ZNF580: variants seen among roughly 807,000 people sequenced by gnomAD.
The protein encoded by ZNF580 is zinc finger protein 580.
Under a neutral mutation model 1.3 loss-of-function variants are expected in ZNF580, and 1 was observed. The ratio of observed to expected loss-of-function variants is 0.77; its 90% confidence interval spans 0.27 to 3.65. ZNF580 has a LOEUF of 3.65. Ranked by LOEUF, ZNF580 falls within the 30% of genes most tolerant of loss-of-function variation. ZNF580 has a pLI of 0.19. For missense variants in ZNF580, 268 were observed against 272.3 expected, an observed-to-expected ratio of 0.98 and a Z score of 0.11; for synonymous variants, 135 against 128.8, an observed-to-expected ratio of 1.05 and a Z score of -0.32.
At position 55,643,214 on chromosome 19, in the gene ZNF580, T is replaced by C. The variant is rs963131980; in HGVS notation, c.*187T>C. Reference sequence around the variant, plus strand: ...CCTTACCCCCTTTCTAGCTGTGTGATGTAGACCAAAGTCGTTGCCCCTCCC... The same window carrying C: ...CCTTACCCCCTTTCTAGCTGTGTGACGTAGACCAAAGTCGTTGCCCCTCCC... On this transcript the variant is annotated 3_prime_UTR_variant, in exon 2 of 2. Coordinates refer to ENST00000325333, the MANE Select transcript of ZNF580 (RefSeq NM_207115.2). 3.9e-5 allele frequency: 42 copies of C among 1,073,516 alleles called. No individual in the cohort carries two copies. The highest frequency in any genetic ancestry group is 4.8e-5 in the Non-Finnish European group (40 of 825,230). 66.5% of individuals were successfully genotyped at this position (1,073,516 alleles called of 1,614,324 possible). A position where few individuals can be genotyped will look rare whatever the true frequency, so the allele number is the denominator to read the frequency against.
chr19:55,641,187 C>G lies in ZNF580; in HGVS notation c.-13+4C>G, dbSNP rs1428628963. ...ACCCGAGAGGCCGCCGCACGGGGTA[C>G]GGGGGCCGGGATGGAGGGAGGAGCC... is the stretch of plus-strand genomic sequence containing the variant. On this transcript the variant is annotated splice_donor_region_variant and intron_variant, in intron 1 of 1. Transcript: ENST00000325333. 1 of 984,708 alleles carries G rather than the reference C, an allele frequency of 1.0e-6. No individual in the cohort carries two copies. Among genetic ancestry groups the G allele is most frequent in the Non-Finnish European group, 1.2e-6 (1 of 829,746 alleles). The allele number at this position is 984,708 out of a possible 1,614,324, so 61.0% of individuals were successfully genotyped here.
chr19:55,641,070 C>T lies in ZNF580; in HGVS notation c.-126C>T, dbSNP rs1982432222. 1 of 985,148 alleles carries T rather than the reference C, an allele frequency of 1.0e-6. No homozygotes were observed. Among genetic ancestry groups the T allele is most frequent in the African/African-American group, 1.7e-5 (1 of 57,224 alleles). 61.0% of individuals were successfully genotyped at this position (985,148 alleles called of 1,614,324 possible). ...CCCAGTCCCCGCGTCCCCGGCGCCG[C>T]CGGCCCGGAGCTGCCCGGAAGTCTC... is the stretch of plus-strand genomic sequence containing the variant. On this transcript the variant is annotated 5_prime_UTR_variant, in exon 1 of 2. Transcript: ENST00000325333.
At chr19:55,642,360 G>A in intron 1 of ZNF580, 137 bp from the exon 2 acceptor site, 1 of 1,279,608 alleles carries the variant, frequency 7.8e-7, no homozygotes, top group Non-Finnish European at 9.9e-7. Context: ...TGGAGTCACA[G>A]TTTTTATTTT....
intron 1 of ZNF580, 25 bp from the exon 2 acceptor site, chr19:55,642,472 C>G: frequency 7.1e-7 from 1 of 1,403,714 alleles, no homozygotes; most frequent in Non-Finnish European, 9.3e-7. Context: ...GCAATTTTAA[C>G]TAATCTCCCC....
chr19:55,641,072 G>A lies in ZNF580; in HGVS notation c.-124G>A, dbSNP rs1269964763. 5 of 985,128 alleles carry A rather than the reference G, an allele frequency of 5.1e-6. No homozygotes were observed. The highest frequency in any genetic ancestry group is 4.8e-6 in the Non-Finnish European group (4 of 829,834). The allele number at this position is 985,128 out of a possible 1,614,324, so 61.0% of individuals were successfully genotyped here. ...CAGTCCCCGCGTCCCCGGCGCCGCC[G>A]GCCCGGAGCTGCCCGGAAGTCTCGG... is the stretch of plus-strand genomic sequence containing the variant. On this transcript the variant is annotated 5_prime_UTR_variant, in exon 1 of 2. Transcript: ENST00000325333.
At position 55,643,178 on chromosome 19, in the gene ZNF580, C is replaced by T. The variant is rs1982639903; in HGVS notation, c.*151C>T. ...TTTCCCCACCTTCCAAAGGGAGGAG[C>T]ATCATTCCTTCCTTACCCCCTTTCT... On this transcript the variant is annotated 3_prime_UTR_variant, in exon 2 of 2. Coordinates refer to ENST00000325333, the MANE Select transcript of ZNF580 (RefSeq NM_207115.2). 8 of 1,211,974 alleles carry T rather than the reference C, an allele frequency of 6.6e-6. No individual in the cohort carries two copies. The highest frequency in any genetic ancestry group is 8.4e-6 in the Non-Finnish European group (8 of 947,038). 75.1% of individuals were successfully genotyped at this position (1,211,974 alleles called of 1,614,324 possible). A position where few individuals can be genotyped will look rare whatever the true frequency, so the allele number is the denominator to read the frequency against.
chr19:55,642,111 T>G (rs935863665), intron 1 of ZNF580: 1 of 1,003,832 alleles, frequency 1.0e-6, no homozygotes, highest in African/African-American at 1.7e-5. Flanking sequence ...TAGAGAAATC[T>G]CGGCGGTCAG....
Position 55,642,716 on chromosome 19 carries a change from G to C in ZNF580, c.208G>C (p.Glu70Gln), listed in dbSNP as rs1235876047. 2.7e-6 allele frequency: 4 copies of C among 1,507,004 alleles called. 1 individual carries two copies. In the Admixed American group the frequency reaches 8.7e-5, roughly 33 times the overall value. 93.4% of individuals were successfully genotyped at this position (1,507,004 alleles called of 1,614,324 possible). Residue 70 changes from glutamate to glutamine, a missense_variant, in exon 2 of 2, where the codon GAG (glutamate) becomes CAG (glutamine). By Grantham distance (29) the Glu-to-Gln change is conservative. Around this residue, in one of 2 missense-constraint regions of ZNF580, gnomAD observed 225 missense variants for 201.7 expected, o/e 1.12. Coordinates refer to ENST00000325333, the MANE Select transcript of ZNF580 (RefSeq NM_207115.2). ...GVPYTYTVQLEEEPRGPPQRE... is the reference protein window; with the variant it reads ...GVPYTYTVQLQEEPRGPPQRE... ...CCCCTACACATACACGGTGCAGCTG[G>C]AGGAGGAGCCCCGGGGCCCGCCCCA... is the stretch of plus-strand genomic sequence containing the variant.
chr19:55,642,965 C>T lies in ZNF580; in HGVS notation c.457C>T (p.Pro153Ser). ...RARAGPPHTC[P>S]LCPRRFQDAA... Reference sequence around the variant, plus strand: ...CCGCGCCGGGCCGCCGCACACCTGCCCGCTCTGCCCACGCCGCTTCCAGGA... The same window carrying T: ...CCGCGCCGGGCCGCCGCACACCTGCTCGCTCTGCCCACGCCGCTTCCAGGA... The change falls in exon 2 of 2, where the codon CCG becomes TCG. Residue 153 changes from proline to serine, a missense_variant. This residue lies in a region of ZNF580 where 43 missense variants were observed against 70.5 expected (regional missense o/e 0.61). Transcript: ENST00000325333. 6 of 1,403,726 alleles carry T rather than the reference C, an allele frequency of 4.3e-6. No homozygotes were observed. The highest frequency in any genetic ancestry group is 5.5e-6 in the Non-Finnish European group (6 of 1,082,722). The allele number at this position is 1,403,726 out of a possible 1,614,324, so 87.0% of individuals were successfully genotyped here.
Position 55,643,002 on chromosome 19 carries a change from T to C in ZNF580, c.494T>C (p.Leu165Pro). 1 of 1,366,728 alleles carries C rather than the reference T, an allele frequency of 7.3e-7. No homozygotes were observed. Among genetic ancestry groups the C allele is most frequent in the Non-Finnish European group, 9.4e-7 (1 of 1,059,530 alleles). 84.7% of individuals were successfully genotyped at this position (1,366,728 alleles called of 1,614,324 possible). Residue 165 changes from leucine to proline, a missense_variant, in exon 2 of 2, where the codon CTG (leucine) becomes CCG (proline). Leu to Pro is a moderately conservative substitution (Grantham distance 98). This residue lies in a region of ZNF580 where 43 missense variants were observed against 70.5 expected (regional missense o/e 0.61). Coordinates refer to ENST00000325333, the MANE Select transcript of ZNF580 (RefSeq NM_207115.2). ...CPRRFQDAAE[L>P]AQHVRLH Reference sequence around the variant, plus strand: ...CGCCGCTTCCAGGACGCCGCGGAGCTGGCGCAGCACGTGCGCCTCCACTAA... The same window carrying C: ...CGCCGCTTCCAGGACGCCGCGGAGCCGGCGCAGCACGTGCGCCTCCACTAA...
Position 55,642,878 on chromosome 19 carries a change from G to T in ZNF580, c.370G>T (p.Ala124Ser), listed in dbSNP as rs1982612302. The change falls in exon 2 of 2, where the codon GCC becomes TCC. Residue 124 changes from alanine (A) to serine (S), a missense_variant. By Grantham distance (99) the Ala-to-Ser change is moderately conservative. Coordinates refer to ENST00000325333, the MANE Select transcript of ZNF580 (RefSeq NM_207115.2). ...GGACCTCAAGCCCTTCACGTGCGGC[G>T]CCTGCGGCAAGGCCTTCAAGCGCTC... Reference protein sequence around the residue: ...HSDLKPFTCGACGKAFKRSSH... With the variant: ...HSDLKPFTCGSCGKAFKRSSH... 2 of 1,564,456 alleles carry T rather than the reference G, an allele frequency of 1.3e-6. No homozygotes were observed. Among genetic ancestry groups the T allele is most frequent in the East Asian group, 2.4e-5 (1 of 41,486 alleles).
chr19:55,642,126 C>T (rs999677905), intron 1 of ZNF580: 2 of 1,012,622 alleles, frequency 2.0e-6, no homozygotes, highest in African/African-American at 3.4e-5. Context: ...GGTCAGGAGG[C>T]CCGGGGTCTA....
In ZNF580 at chr19:55,641,046, C is replaced by G; in HGVS notation, c.-150C>G. 1.0e-6 allele frequency: 1 copy of G among 985,154 alleles called. No individual in the cohort carries two copies. Among genetic ancestry groups the G allele is most frequent in the Non-Finnish European group, 1.2e-6 (1 of 829,750 alleles). 61.0% of individuals were successfully genotyped at this position (985,154 alleles called of 1,614,324 possible). Reference sequence around the variant, plus strand: ...GCCAACCCCTCGCACCCCCGCGCCCCCAGTCCCCGCGTCCCCGGCGCCGCC... The same window carrying G: ...GCCAACCCCTCGCACCCCCGCGCCCGCAGTCCCCGCGTCCCCGGCGCCGCC... On this transcript the variant is annotated 5_prime_UTR_variant, in exon 1 of 2. Transcript: ENST00000325333.
rs1249229889 is a variant in ZNF580 at position 55,642,561 on chromosome 19, C to T, written c.53C>T (p.Ala18Val). Reference sequence around the variant, plus strand: ...CACCCTCGGTCCTCCTCTCCGGAGGCCATGGACCCACCGCCCCCCAAGGCT... The same window carrying T: ...CACCCTCGGTCCTCCTCTCCGGAGGTCATGGACCCACCGCCCCCCAAGGCT... ...PPHPRSSSPE[A>V]MDPPPPKAPP... The change falls in exon 2 of 2, where the codon GCC becomes GTC. Residue 18 changes from alanine (A) to valine (V), a missense_variant. Transcript: ENST00000325333. 1 of 1,458,840 alleles carries T rather than the reference C, an allele frequency of 6.9e-7. No homozygotes were observed. The allele number at this position is 1,458,840 out of a possible 1,614,324, so 90.4% of individuals were successfully genotyped here. A position where few individuals can be genotyped will look rare whatever the true frequency, so the allele number is the denominator to read the frequency against.
At position 55,642,608 on chromosome 19, in the gene ZNF580, G is replaced by C; in HGVS notation, c.100G>C (p.Gly34Arg). 3.5e-6 allele frequency: 5 copies of C among 1,447,916 alleles called. No homozygotes were observed. The highest frequency in any genetic ancestry group is 2.7e-5 in the Admixed American group (1 of 36,968). The allele number at this position is 1,447,916 out of a possible 1,614,324, so 89.7% of individuals were successfully genotyped here. Residue 34 changes from glycine (G) to arginine (R), a missense_variant, in exon 2 of 2, where the codon GGC (glycine) becomes CGC (arginine). By Grantham distance (125) the Gly-to-Arg change is moderately radical. Transcript: ENST00000325333. ...GGCTCCCCCTTTCCCCAAGGCGGAA[G>C]GCCCCTCCTCCACTCCTTCCTCGGC... ...PKAPPFPKAEGPSSTPSSAAG... is the reference protein window; with the variant it reads ...PKAPPFPKAERPSSTPSSAAG...
rs113802376 is a variant in ZNF580, at chr19:55,642,167, T to G, written c.-12-330T>G. The G allele has an allele frequency of 4.6e-5, 50 of 1,079,490 alleles. 1 individual carries two copies. In the African/African-American group the frequency reaches 6.6e-4, roughly 14 times the overall value. The allele number at this position is 1,079,490 out of a possible 1,614,324, so 66.9% of individuals were successfully genotyped here. On this transcript the variant is annotated intron_variant, in intron 1 of 1. Coordinates refer to ENST00000325333, the MANE Select transcript of ZNF580 (RefSeq NM_207115.2). ...TAAAGAGGTAAACAGATTTAGGGATTGATTGTCTGCTGGGGTGGGTTGAGA... is the reference window on the plus strand; with the variant it reads ...TAAAGAGGTAAACAGATTTAGGGATGGATTGTCTGCTGGGGTGGGTTGAGA...
Position 55,641,076 on chromosome 19 carries a change from C to G in ZNF580, c.-120C>G. ...CCCCGCGTCCCCGGCGCCGCCGGCC[C>G]GGAGCTGCCCGGAAGTCTCGGTTCC... On this transcript the variant is annotated 5_prime_UTR_variant, in exon 1 of 2. Coordinates refer to ENST00000325333, the MANE Select transcript of ZNF580 (RefSeq NM_207115.2). 1.0e-6 allele frequency: 1 copy of G among 985,340 alleles called. No individual in the cohort carries two copies. Among genetic ancestry groups the G allele is most frequent in the South Asian group, 4.7e-5 (1 of 21,314 alleles). 61.0% of individuals were successfully genotyped at this position (985,340 alleles called of 1,614,324 possible). A position where few individuals can be genotyped will look rare whatever the true frequency, so the allele number is the denominator to read the frequency against.
At chr19:55,641,990 G>C (rs1476969623) in intron 1 of ZNF580, 30 of 968,730 alleles carry the variant, frequency 3.1e-5, no homozygotes, top group Non-Finnish European at 3.6e-5. Flanking sequence ...TAGTGGGGAC[G>C]GAGGGCCAGG....
Position 55,642,706 on chromosome 19 carries a change from G to T in ZNF580, c.198G>T (p.Thr66=). ...CCAATGGGGTCCCCTACACATACAC[G>T]GTGCAGCTGGAGGAGGAGCCCCGGG... ...IDANGVPYTY[T]VQLEEEPRGP... The change falls in exon 2 of 2, where the codon ACG becomes ACT. Residue 66 remains threonine (T), a synonymous_variant. Coordinates refer to ENST00000325333, the MANE Select transcript of ZNF580 (RefSeq NM_207115.2). The T allele has an allele frequency of 6.7e-7, 1 of 1,487,004 alleles. No homozygotes were observed. Among genetic ancestry groups the T allele is most frequent in the African/African-American group, 1.5e-5 (1 of 68,794 alleles). The allele number at this position is 1,487,004 out of a possible 1,614,324, so 92.1% of individuals were successfully genotyped here.
Sources: allele counts gnomAD v4.1 joint callset, GRCh38; gene constraint gnomAD v4.1.1; regional missense constraint gnomAD v4.1.1; transcripts MANE v1.5; gene names NCBI Gene and HGNC (gene_info 2026-07-23, HGNC 2026-07-21).